GAS2L3: variants seen among roughly 807,000 people sequenced by gnomAD.
GAS2L3 encodes GAS2-like protein 3.
A neutral mutation model predicts 37.0 loss-of-function variants in GAS2L3; 28 were observed. The observed-to-expected ratio is 0.76, with a 90% confidence interval of 0.56 to 1.04. The LOEUF is 1.04. GAS2L3 is among the 50% of genes least tolerant of loss of function. GAS2L3 has a pLI of 0.00. For synonymous variants in GAS2L3, 290 were observed against 296.6 expected (o/e 0.98, Z 0.23); for missense variants, 793 against 817.6 (o/e 0.97, Z 0.37).
intron 1 of GAS2L3, among the ~76,000 whole-genome samples, chr12:100,578,338 G>A (rs1339633946): frequency 6.6e-6 from 1 of 152,204 alleles, no homozygotes; most frequent in Non-Finnish European, 1.5e-5. Context: ...GGTAAACACA[G>A]GCAGCCTCTG....
chr12:100,585,514 A>C (rs1593162143), intron 1 of GAS2L3, among the ~76,000 whole-genome samples: 1 of 152,082 alleles, frequency 6.6e-6, no homozygotes, highest in East Asian at 1.9e-4. Context: ...TTGGCCTCCC[A>C]AAGTGCTGAG....
intron 6 of GAS2L3, among the ~76,000 whole-genome samples, chr12:100,617,244 A>G (rs1435351319): frequency 6.6e-6 from 1 of 152,116 alleles, no homozygotes; most frequent in Non-Finnish European, 1.5e-5. Context: ...ATCTATATTC[A>G]TAAGACATAT....
At chr12:100,574,261 T>C (rs1430687935) in intron 1 of GAS2L3, among the ~76,000 whole-genome samples, 1 of 152,140 alleles carries the variant, frequency 6.6e-6, no homozygotes, top group East Asian at 1.9e-4. Context: ...ATTGATGAAG[T>C]CTCTGGCCCT....
intron 7 of GAS2L3, among the ~76,000 whole-genome samples, chr12:100,618,075 G>A (rs545302023): frequency 1.3e-5 from 2 of 152,268 alleles, no homozygotes; most frequent in African/African-American, 4.8e-5. Flanking sequence ...GTAAGAGCAT[G>A]CAGTCTAAGG....
In GAS2L3 at chr12:100,626,289, T is replaced by C. The variant is rs973434220; in HGVS notation, c.*1399T>C. Reference sequence around the variant, plus strand: ...ATAAGCATTTTAAGCTGGCGACTAGTGTTCTATAGATTACAAAGCAAGAAA... The same window carrying C: ...ATAAGCATTTTAAGCTGGCGACTAGCGTTCTATAGATTACAAAGCAAGAAA... On this transcript the variant is annotated 3_prime_UTR_variant, in exon 10 of 10. Transcript: ENST00000547754. 2 of 152,202 alleles carry C rather than the reference T, an allele frequency of 1.3e-5. No individual in the cohort carries two copies. The highest frequency in any genetic ancestry group is 4.8e-5 in the African/African-American group (2 of 41,448). 9.4% of individuals were successfully genotyped at this position (152,202 alleles called of 1,614,324 possible).
chr12:100,618,018 G>A (rs1016660678), intron 7 of GAS2L3, among the ~76,000 whole-genome samples: 1 of 152,102 alleles, frequency 6.6e-6, no homozygotes, highest in African/African-American at 2.4e-5. Flanking sequence ...TTCTTTTACT[G>A]TTAAACTATG....
At chr12:100,621,646 A>G (rs1362081211) in intron 8 of GAS2L3, among the ~76,000 whole-genome samples, 3 of 151,982 alleles carry the variant, frequency 2.0e-5, no homozygotes, top group Admixed American at 6.6e-5. Flanking sequence ...TCAAATCTAG[A>G]TATTTCCCCC....
chr12:100,602,526 GTA>G (rs1017775404), intron 5 of GAS2L3, among the ~76,000 whole-genome samples: 18 of 151,600 alleles, frequency 1.2e-4, no homozygotes, highest in African/African-American at 3.9e-4. Context: ...TACATACTAG[GTA>G]TATATATTTA....
chr12:100,607,675 T>C (rs1396700050), intron 5 of GAS2L3, among the ~76,000 whole-genome samples: 1 of 151,998 alleles, frequency 6.6e-6, no homozygotes, highest in Non-Finnish European at 1.5e-5. Context: ...TCAGTAATTC[T>C]TTCTTCTGCT....
chr12:100,606,100 G>T (rs568243482), intron 5 of GAS2L3, among the ~76,000 whole-genome samples: 7 of 151,932 alleles, frequency 4.6e-5, no homozygotes, highest in Non-Finnish European at 1.0e-4. Flanking sequence ...GAAGTCTCCA[G>T]CTGTTACTGT....
chr12:100,584,886 T>G (rs1416045601), intron 1 of GAS2L3, among the ~76,000 whole-genome samples: 1 of 63,254 alleles, frequency 1.6e-5, no homozygotes, highest in Admixed American at 1.2e-4. Context: ...TTGAATGGTT[T>G]TTTTTTTTTT....
At chr12:100,579,216 G>C in intron 1 of GAS2L3, 1 of 615,146 alleles carries the variant, frequency 1.6e-6, no homozygotes, top group Non-Finnish European at 3.0e-6. Flanking sequence ...CCCCTTTCTG[G>C]ATTTGCTAAG....
intron 5 of GAS2L3, among the ~76,000 whole-genome samples, chr12:100,610,683 A>G (rs1956116832): frequency 6.6e-6 from 1 of 152,186 alleles, no homozygotes; most frequent in Non-Finnish European, 1.5e-5. Context: ...GGTGAGAGAA[A>G]GACTTAATAT....
At chr12:100,600,973 C>T (rs1005402914) in intron 4 of GAS2L3, among the ~76,000 whole-genome samples, 2 of 152,008 alleles carry the variant, frequency 1.3e-5, no homozygotes, top group African/African-American at 4.8e-5. Context: ...TTGAAGGATA[C>T]AGCCATATGA....
In GAS2L3 at chr12:100,617,725, G is replaced by A; in HGVS notation, c.446-19G>A. Reference sequence around the variant, plus strand: ...TACTTAATTTTGCTGTATAAAATAAGTGGTTTTATTTTCCACAGTTTTGCA... The same window carrying A: ...TACTTAATTTTGCTGTATAAAATAAATGGTTTTATTTTCCACAGTTTTGCA... On this transcript the variant is annotated intron_variant, in intron 6 of 9. Coordinates refer to ENST00000547754, the MANE Select transcript of GAS2L3 (RefSeq NM_174942.3). 2.0e-6 allele frequency: 3 copies of A among 1,513,326 alleles called. No homozygotes were observed. Among genetic ancestry groups the A allele is most frequent in the African/African-American group, 1.4e-5 (1 of 72,952 alleles). The allele number at this position is 1,513,326 out of a possible 1,614,324, so 93.7% of individuals were successfully genotyped here. A position where few individuals can be genotyped will look rare whatever the true frequency, so the allele number is the denominator to read the frequency against.
intron 6 of GAS2L3, 99 bp from the exon 7 acceptor site, chr12:100,617,645 C>T (rs1343089719): frequency 8.0e-6 from 6 of 752,014 alleles, no homozygotes; most frequent in African/African-American, 7.1e-5. Flanking sequence ...AACCTGCTGT[C>T]TTCATTATTC....
At chr12:100,610,301 T>C (rs2136517646) in intron 5 of GAS2L3, among the ~76,000 whole-genome samples, 1 of 152,358 alleles carries the variant, frequency 6.6e-6, no homozygotes, top group Middle Eastern at 3.4e-3. Context: ...ATACATTCAT[T>C]GGAAACAATT....
At chr12:100,607,924 C>G (rs932463545) in intron 5 of GAS2L3, among the ~76,000 whole-genome samples, 2 of 151,940 alleles carry the variant, frequency 1.3e-5, no homozygotes, top group African/African-American at 4.8e-5. Context: ...TCCCTGGTAC[C>G]TTATTGGTGA....
intron 5 of GAS2L3, among the ~76,000 whole-genome samples, chr12:100,610,611 G>A (rs1210885891): frequency 2.0e-5 from 3 of 152,102 alleles, no homozygotes; most frequent in Non-Finnish European, 4.4e-5. Context: ...ATAGTAACAG[G>A]AAGGATATAC....
Sources: gnomAD v4.1 joint callset for allele counts (sites outside exome capture counted in the v4.1 genomes callset) on GRCh38, gnomAD v4.1.1 for gene constraint, MANE v1.5 for transcripts, NCBI Gene and HGNC (gene_info 2026-07-23, HGNC 2026-07-21) for gene names.